The following CNOT3 variants were observed in gnomAD, a reference collection of about 807,000 sequenced individuals.
CNOT3 encodes the protein CCR4-NOT transcription complex subunit 3, also known as CCR4-associated factor 3.
CNOT3 carries 2 observed loss-of-function variants against 89.4 expected under a neutral mutation model. That is an observed-to-expected ratio of 0.02 (90% CI 0.01 to 0.07). The LOEUF (loss-of-function observed/expected upper bound fraction) is 0.07. CNOT3 is among the 10% of genes least tolerant of loss of function. CNOT3 has a pLI of 1.00. For missense variants in CNOT3, 664 were observed against 1,010.2 expected (o/e 0.66, Z 4.65); for synonymous variants, 486 against 402.0 (o/e 1.21, Z -2.50).
intron 13 of CNOT3, among the ~76,000 whole-genome samples, chr19:54,150,273 GTGATGTTTAAGCTGA>G (rs2074998164): frequency 6.6e-6 from 1 of 152,152 alleles, no homozygotes; most frequent in Non-Finnish European, 1.5e-5. Flanking sequence ...CTGAGAGGGG[GTGATGTTTAAGCTGA>G]GACCTGGACC....
rs1600449986 is a variant in CNOT3, at chr19:54,148,076, C to T, written c.895-72C>T. On this transcript the variant is annotated intron_variant, in intron 10 of 17. Transcript: ENST00000221232. The surrounding 1 kb of genome is among the most constrained non-coding windows in gnomAD (Gnocchi z 6.3). Reference sequence around the variant, plus strand: ...GGAGGCTGCTGGGACAAAGATGGAGCCTGAGGTGGGGGTGGTGAGGGAGAC... The same window carrying T: ...GGAGGCTGCTGGGACAAAGATGGAGTCTGAGGTGGGGGTGGTGAGGGAGAC... 1 of 1,204,508 alleles carries T rather than the reference C, an allele frequency of 8.3e-7. No homozygotes were observed. The highest frequency in any genetic ancestry group is 1.1e-6 in the Non-Finnish European group (1 of 903,708). 74.6% of individuals were successfully genotyped at this position (1,204,508 alleles called of 1,614,324 possible). A position where few individuals can be genotyped will look rare whatever the true frequency, so the allele number is the denominator to read the frequency against.
At chr19:54,139,693 G>A (rs587651816) in intron 1 of CNOT3, among the ~76,000 whole-genome samples, 2 of 152,222 alleles carry the variant, frequency 1.3e-5, no homozygotes, top group Admixed American at 1.3e-4. Context: ...ACCCCCTCTT[G>A]ATTTGTCACT....
rs776171562 is a variant in CNOT3, at chr19:54,143,743, T to C, written c.252T>C (p.Ile84=). The C allele has an allele frequency of 6.2e-7, 1 of 1,612,672 alleles. No individual in the cohort carries two copies. Among genetic ancestry groups the C allele is most frequent in the Admixed American group, 1.7e-5 (1 of 59,818 alleles). Residue 84 remains isoleucine (I), a synonymous_variant, in exon 5 of 18, where the codon ATT becomes ATC. Transcript: ENST00000221232. ...AGCTTATAGACAACCGCAAGCTCAT[T>C]GAGACGGTAGGAGCCCAGAGCCTGA... ...KRQLIDNRKL[I]ETQMERFKVV...
chr19:54,152,052 G>C (rs367731346), intron 13 of CNOT3, among the ~76,000 whole-genome samples, 174 bp from the exon 14 acceptor site: 1 of 152,162 alleles, frequency 6.6e-6, no homozygotes, highest in South Asian at 2.1e-4. Context: ...CGTGGTCTCC[G>C]ATTGTTTCCC....
chr19:54,144,152 A>G lies in CNOT3; in HGVS notation c.387+18A>G. 6.2e-7 allele frequency: 1 copy of G among 1,608,340 alleles called. No homozygotes were observed. The highest frequency in any genetic ancestry group is 8.5e-7 in the Non-Finnish European group (1 of 1,176,616). On this transcript the variant is annotated intron_variant, in intron 6 of 17. Transcript: ENST00000221232. This position sits in a 1 kb window ranked among gnomAD's most constrained non-coding sequence, Gnocchi z 4.8. ...GGCTCACGGTGAGTTGGGGTAGAGAAGAGGAGGTGAACTCTGAGGATCCTG... is the reference window on the plus strand; with the variant it reads ...GGCTCACGGTGAGTTGGGGTAGAGAGGAGGAGGTGAACTCTGAGGATCCTG...
At chr19:54,150,945 C>T (rs1467658371) in intron 13 of CNOT3, among the ~76,000 whole-genome samples, 1 of 152,076 alleles carries the variant, frequency 6.6e-6, no homozygotes, top group African/African-American at 2.4e-5. Flanking sequence ...CGCCTGCCAC[C>T]ACGCCAGGCT....
At chr19:54,141,471 G>T (rs1486631518) in intron 1 of CNOT3, 3 of 152,214 alleles carry the variant, frequency 2.0e-5, no homozygotes, top group Non-Finnish European at 4.4e-5. Flanking sequence ...GTCCCATATG[G>T]TTGCTGCTAG....
At position 54,152,883 on chromosome 19, in the gene CNOT3, A is replaced by T. The variant is rs2146768596; in HGVS notation, c.1921A>T (p.Asn641Tyr). The T allele has an allele frequency of 6.9e-7, 1 of 1,438,866 alleles. No individual in the cohort carries two copies. The highest frequency in any genetic ancestry group is 9.6e-7 in the Non-Finnish European group (1 of 1,041,668). 89.1% of individuals were successfully genotyped at this position (1,438,866 alleles called of 1,614,324 possible). Reference protein sequence around the residue: ...SERIRQYLPRNPCPTPPYHHQ... With the variant: ...SERIRQYLPRYPCPTPPYHHQ... The stretch of plus-strand genomic sequence containing the variant: ...CTCTCACAGGCAGTACCTCCCCCGG[A>T]ACCCCTGTCCGACGCCCCCCTACCA... Residue 641 changes from asparagine to tyrosine, a missense_variant, in exon 16 of 18, where the codon AAC becomes TAC. By Grantham distance (143) the Asn-to-Tyr change is moderately radical. This residue lies in a region of CNOT3 where 545 missense variants were observed against 566.2 expected (regional missense o/e 0.96). Transcript: ENST00000221232.
intron 15 of CNOT3, 77 bp downstream of exon 15, chr19:54,152,703 G>A (rs1368657389): frequency 2.3e-6 from 3 of 1,283,092 alleles, no homozygotes; most frequent in African/African-American, 2.9e-5. Flanking sequence ...CTGTGAGGCT[G>A]TGGGTAGAGC....
Position 54,149,670 on chromosome 19 carries a change from G to C in CNOT3, c.1517G>C (p.Ser506Thr). ...LLVPLPVNPP[S>T]SPTPSFSDAK... ...GTGCCACTGCCTGTGAATCCTCCCAGCTCCCCAACGCCCAGCTTCAGTGAT... is the reference window on the plus strand; with the variant it reads ...GTGCCACTGCCTGTGAATCCTCCCACCTCCCCAACGCCCAGCTTCAGTGAT... Residue 506 changes from serine (S) to threonine (T), a missense_variant, in exon 13 of 18, where the codon AGC becomes ACC. By Grantham distance (58) the Ser-to-Thr change is moderately conservative (BLOSUM62 1). Around this residue, in one of 8 missense-constraint regions of CNOT3, gnomAD observed 545 missense variants for 566.2 expected, o/e 0.96. Coordinates refer to ENST00000221232, the MANE Select transcript of CNOT3 (RefSeq NM_014516.4). 6.2e-7 allele frequency: 1 copy of C among 1,614,034 alleles called. No homozygotes were observed. The highest frequency in any genetic ancestry group is 1.1e-5 in the South Asian group (1 of 91,068).
chr19:54,141,074 T>C (rs2074431081), intron 1 of CNOT3, among the ~76,000 whole-genome samples: 1 of 152,136 alleles, frequency 6.6e-6, no homozygotes, highest in Admixed American at 6.5e-5. Flanking sequence ...GGCTTTTCTG[T>C]GTTGGGGTGT....
intron 16 of CNOT3, chr19:54,153,390 C>T (rs745676759): frequency 2.6e-6 from 2 of 768,520 alleles, no homozygotes; most frequent in Non-Finnish European, 4.8e-6. Context: ...CCCTCCCAAC[C>T]CCAGTGAGTC....
rs184037221 is a variant in CNOT3 at position 54,148,389 on chromosome 19, C to G, written c.1136C>G (p.Ala379Gly). The change falls in exon 11 of 18, where the codon GCT becomes GGT. Residue 379 changes from alanine (A) to glycine (G), a missense_variant. Around this residue, in one of 8 missense-constraint regions of CNOT3, gnomAD observed 545 missense variants for 566.2 expected, o/e 0.96. Transcript: ENST00000221232. This position sits in a 1 kb window ranked among gnomAD's most constrained non-coding sequence, Gnocchi z 6.3. ...APYAQAVAPP[A>G]PSGPSTTQPR... ...TATGCCCAGGCTGTGGCCCCACCAG[C>G]TCCCAGTGGGCCCAGCACGACCCAG... 2,553 of 1,563,416 alleles carry G rather than the reference C, an allele frequency of 1.6e-3. 2 individuals carry two copies. Among genetic ancestry groups the G allele is most frequent in the Non-Finnish European group, 2.1e-3 (2,384 of 1,152,824 alleles).
In CNOT3 at chr19:54,146,050, C is replaced by A; in HGVS notation, c.837+7C>A. The A allele has an allele frequency of 6.2e-7, 1 of 1,612,018 alleles. No homozygotes were observed. Among genetic ancestry groups the A allele is most frequent in the Non-Finnish European group, 8.5e-7 (1 of 1,179,024 alleles). On this transcript the variant is annotated splice_region_variant and intron_variant, in intron 9 of 17. Coordinates refer to ENST00000221232, the MANE Select transcript of CNOT3 (RefSeq NM_014516.4). Reference sequence around the variant, plus strand: ...CCCAGCCAACTGTACCACGGTGAGGCCCCACGGGACACTAGTACCTTGTGT... The same window carrying A: ...CCCAGCCAACTGTACCACGGTGAGGACCCACGGGACACTAGTACCTTGTGT...
rs370085792 is a variant in CNOT3 at position 54,148,800 on chromosome 19, G to A, written c.1406+57G>A. 2.0e-5 allele frequency: 31 copies of A among 1,567,946 alleles called. No homozygotes were observed. In the Admixed American group the frequency reaches 2.2e-4, roughly 11 times the overall value. On this transcript the variant is annotated intron_variant, in intron 12 of 17. Coordinates refer to ENST00000221232, the MANE Select transcript of CNOT3 (RefSeq NM_014516.4). The surrounding 1 kb of genome is among the most constrained non-coding windows in gnomAD (Gnocchi z 6.3). ...TGGCAGCCTTTTGAAACAGAGAGGC[G>A]CAGGCGCCTCACCCCCGCATCGGTG...
chr19:54,149,094 A>G (rs1568659281), intron 12 of CNOT3, among the ~76,000 whole-genome samples: 1 of 152,202 alleles, frequency 6.6e-6, no homozygotes, highest in Non-Finnish European at 1.5e-5. Context: ...ATTGTCCCGA[A>G]GTCCTTATTC....
At chr19:54,143,602 C>T in intron 4 of CNOT3, 58 bp from the exon 5 acceptor site, 1 of 1,605,344 alleles carries the variant, frequency 6.2e-7, no homozygotes, top group Non-Finnish European at 8.5e-7. Context: ...GGAGAAGGAG[C>T]TGTGGGCCCC....
Position 54,149,755 on chromosome 19 carries a change from C to G in CNOT3, c.1602C>G (p.Ile534Met). The stretch of plus-strand genomic sequence containing the variant: ...CACAGTTCAGCACCGCCCCAGAAAT[C>G]AAGGTGGGCTCCTCGGACATCCCCC... ...GPPQFSTAPE[I>M]KAPEPLSSLK... Residue 534 changes from isoleucine (I) to methionine (M), a missense_variant, in exon 13 of 18, where the codon ATC becomes ATG. By Grantham distance (10) the Ile-to-Met change is conservative. This residue lies in a region of CNOT3 where 545 missense variants were observed against 566.2 expected (regional missense o/e 0.96). Transcript: ENST00000221232. 6.2e-7 allele frequency: 1 copy of G among 1,605,264 alleles called. No individual in the cohort carries two copies.
At chr19:54,149,864 C>A in intron 13 of CNOT3, 106 bp downstream of exon 13, 1 of 858,092 alleles carries the variant, frequency 1.2e-6, no homozygotes, top group Non-Finnish European at 1.7e-6. Context: ...CTGGATCTCT[C>A]TCTGGCTTTC....
Sources: allele counts gnomAD v4.1 joint callset (sites outside exome capture counted in the v4.1 genomes callset), GRCh38; gene constraint gnomAD v4.1.1; regional missense constraint gnomAD v4.1.1; non-coding constraint Gnocchi (gnomAD v3.1); transcripts MANE v1.5; gene names NCBI Gene and HGNC (gene_info 2026-07-23, HGNC 2026-07-21).